LAMA2: variants seen among roughly 807,000 people sequenced by gnomAD.
LAMA2 encodes the protein laminin subunit alpha 2.
LAMA2 carries 269 observed loss-of-function variants against 364.8 expected under a neutral mutation model. The observed-to-expected ratio is 0.74, with a 90% CI of 0.67 to 0.82. LAMA2 has a LOEUF of 0.82. Among genes scored for constraint, LAMA2 ranks in the 40% least tolerant of loss-of-function variants. LAMA2 has a pLI of 0.00. For missense variants in LAMA2, 3,807 were observed against 3,873.2 expected (o/e 0.98, Z 0.45); for synonymous variants, 1,379 against 1,370.6 (o/e 1.01, Z -0.14).
intron 1 of LAMA2, among the ~76,000 whole-genome samples, chr6:128,894,071 T>C (rs1776626442): frequency 6.6e-6 from 1 of 152,186 alleles, no homozygotes; most frequent in South Asian, 2.1e-4. Flanking sequence ...TCTTTGATTC[T>C]ATACCAAAAC....
At chr6:129,025,838 T>C (rs1785771132) in intron 1 of LAMA2, among the ~76,000 whole-genome samples, 1 of 152,208 alleles carries the variant, frequency 6.6e-6, no homozygotes, top group Non-Finnish European at 1.5e-5. Flanking sequence ...GTGATTTCTT[T>C]TTGGTGGAAC....
chr6:129,083,005 A>AT (rs1415357082), intron 3 of LAMA2, among the ~76,000 whole-genome samples: 3 of 151,906 alleles, frequency 2.0e-5, no homozygotes, highest in African/African-American at 7.2e-5. Context: ...ATAGATTCTG[A>AT]TTTTTTTATC....
At chr6:129,315,243 G>A (rs1479599463) in intron 24 of LAMA2, among the ~76,000 whole-genome samples, 1 of 152,086 alleles carries the variant, frequency 6.6e-6, no homozygotes, top group Non-Finnish European at 1.5e-5. Context: ...GATTCAATTT[G>A]TGTTAGTGTG....
At chr6:129,450,655 G>A (rs1308050589) in intron 45 of LAMA2, among the ~76,000 whole-genome samples, 1 of 152,086 alleles carries the variant, frequency 6.6e-6, no homozygotes, top group Non-Finnish European at 1.5e-5. Context: ...TGATTTATTA[G>A]GAATTAAACT....
chr6:129,366,467 G>A, intron 33 of LAMA2, 106 bp downstream of exon 33: 1 of 1,236,220 alleles, frequency 8.1e-7, no homozygotes, highest in Middle Eastern at 2.6e-4. Flanking sequence ...CCCAAATCAA[G>A]GGACACAACT....
At chr6:129,005,343 T>C (rs993077510) in intron 1 of LAMA2, among the ~76,000 whole-genome samples, 1 of 151,950 alleles carries the variant, frequency 6.6e-6, no homozygotes, top group African/African-American at 2.4e-5. Context: ...GGAGAAAGGA[T>C]GGATAATGAT....
chr6:129,141,687 A>G (rs1053358629), intron 4 of LAMA2, among the ~76,000 whole-genome samples: 10 of 152,192 alleles, frequency 6.6e-5, no homozygotes, highest in Middle Eastern at 3.4e-3. Flanking sequence ...TCTCCTGTCA[A>G]AAAATGTAAT....
chr6:128,920,006 A>G (rs1045714236), intron 1 of LAMA2, among the ~76,000 whole-genome samples: 2 of 152,126 alleles, frequency 1.3e-5, no homozygotes, highest in African/African-American at 2.4e-5. Flanking sequence ...TTTAAATCAT[A>G]AAAATGAGCT....
At chr6:129,335,337 A>G (rs370814688) in intron 29 of LAMA2, among the ~76,000 whole-genome samples, 1 of 150,164 alleles carries the variant, frequency 6.7e-6, no homozygotes, top group African/African-American at 2.5e-5. Flanking sequence ...ACTAGTACAC[A>G]CACATAGGTA....
chr6:129,508,066 A>T (rs932472848), intron 62 of LAMA2, among the ~76,000 whole-genome samples: 12 of 152,046 alleles, frequency 7.9e-5, no homozygotes, highest in Non-Finnish European at 4.4e-5. Flanking sequence ...ATGCACACCC[A>T]TGTCTGTTTC....
rs142306977 is a variant in LAMA2 at position 129,422,850 on chromosome 6, G to C, written c.5866-4902G>C. On this transcript the variant is annotated intron_variant, in intron 40 of 64. Coordinates refer to ENST00000421865, the MANE Select transcript of LAMA2 (RefSeq NM_000426.4). ...CATTCTACGAGGCCAGTATTACTCT[G>C]ATACCAATGGCAGACAAAGATAGTT... 3.5e-3 allele frequency among the ~76,000 whole-genome samples: 538 copies of C among 152,122 alleles called. 9 individuals carry two copies. Among genetic ancestry groups the C allele is most frequent in the African/African-American group, 0.013 (522 of 41,506 alleles).
At chr6:129,067,771 GC>G (rs1054015650) in intron 3 of LAMA2, among the ~76,000 whole-genome samples, 1 of 152,106 alleles carries the variant, frequency 6.6e-6, no homozygotes, top group African/African-American at 2.4e-5. Flanking sequence ...CTGCCTCAGG[GC>G]CTTTGCACTT....
At chr6:129,050,365 G>C (rs1425602476) in intron 2 of LAMA2, among the ~76,000 whole-genome samples, 1 of 152,146 alleles carries the variant, frequency 6.6e-6, no homozygotes, top group Non-Finnish European at 1.5e-5. Flanking sequence ...TGGTTTCTGA[G>C]GGTGTGGTTA....
At chr6:129,276,838 CAGAT>C (rs1562406090) in intron 17 of LAMA2, among the ~76,000 whole-genome samples, 1 of 151,870 alleles carries the variant, frequency 6.6e-6, no homozygotes. Context: ...CATATTTTGA[CAGAT>C]AGAATTAAAT....
intron 4 of LAMA2, 21 bp from the exon 5 acceptor site, chr6:129,143,875 GTTAAA>G (rs1562273186): frequency 6.6e-7 from 1 of 1,506,358 alleles, no homozygotes. Flanking sequence ...AAACATAATT[GTTAAA>G]TTATTTTTCA....
In LAMA2 at chr6:129,516,539, A is replaced by AT. The variant is rs1787099925; in HGVS notation, c.*192_*193insT. The AT allele has an allele frequency of 2.1e-6, 1 of 470,030 alleles. No homozygotes were observed. The highest frequency in any genetic ancestry group is 3.3e-5 in the East Asian group (1 of 29,920). The allele number at this position is 470,030 out of a possible 1,614,324, so 29.1% of individuals were successfully genotyped here. ...CAAGTTCTTTCTCAAGTCTATAAAT[A>AT]ATATTAAACTGATTATTTCATTCTA... On this transcript the variant is annotated 3_prime_UTR_variant, in exon 65 of 65. Coordinates refer to ENST00000421865, the MANE Select transcript of LAMA2 (RefSeq NM_000426.4).
chr6:129,251,477 T>C (rs1254689187), intron 13 of LAMA2, among the ~76,000 whole-genome samples: 1 of 152,182 alleles, frequency 6.6e-6, no homozygotes, highest in Admixed American at 6.5e-5. Context: ...AGTTGTCAGG[T>C]AGCTATTATT....
intron 29 of LAMA2, among the ~76,000 whole-genome samples, chr6:129,339,913 G>A (rs1033284888): frequency 2.6e-5 from 4 of 151,624 alleles, no homozygotes; most frequent in African/African-American, 9.7e-5. Context: ...TGAGGCAGGA[G>A]AATCGCTTGA....
At chr6:129,142,877 AC>A (rs897766412) in intron 4 of LAMA2, among the ~76,000 whole-genome samples, 2 of 151,858 alleles carry the variant, frequency 1.3e-5, no homozygotes, top group African/African-American at 4.8e-5. Flanking sequence ...TATCTTATAA[AC>A]TTTTAACAGT....
Sources: gnomAD v4.1 joint callset for allele counts (sites outside exome capture counted in the v4.1 genomes callset) on GRCh38, gnomAD v4.1.1 for gene constraint, MANE v1.5 for transcripts, NCBI Gene and HGNC (gene_info 2026-07-23, HGNC 2026-07-21) for gene names.